CADPS2: variants seen among roughly 807,000 people sequenced by gnomAD.
The protein encoded by CADPS2 is calcium-dependent secretion activator 2.
CADPS2 carries 93 observed loss-of-function variants against 172.5 expected under a neutral mutation model. The ratio of observed to expected loss-of-function variants is 0.54; its 90% CI spans 0.46 to 0.64. CADPS2 has a LOEUF of 0.64. Among genes scored for constraint, CADPS2 ranks in the 30% least tolerant of loss-of-function variants. CADPS2 has a pLI of 0.00. For synonymous variants in CADPS2, 546 were observed against 555.2 expected (o/e 0.98, Z 0.23); for missense variants, 1,420 against 1,565.9 (o/e 0.91, Z 1.57).
At chr7:122,400,422 A>G (rs1435227059) in intron 20 of CADPS2, among the ~76,000 whole-genome samples, 1 of 152,136 alleles carries the variant, frequency 6.6e-6, no homozygotes, top group East Asian at 1.9e-4. Context: ...GGGCAATAAG[A>G]GCGAAACTCC....
chr7:122,564,955 A>G (rs541957249), intron 7 of CADPS2, among the ~76,000 whole-genome samples: 1 of 152,128 alleles, frequency 6.6e-6, no homozygotes, highest in African/African-American at 2.4e-5. Flanking sequence ...CCATTATCCT[A>G]AGTGAAATAA....
chr7:122,393,177 A>AT lies in CADPS2; in HGVS notation c.3008+18dup, dbSNP rs2044609018. The AT allele has an allele frequency of 6.2e-7, 1 of 1,612,026 alleles. No individual in the cohort carries two copies. Among genetic ancestry groups the AT allele is most frequent in the Non-Finnish European group, 8.5e-7 (1 of 1,179,210 alleles). On this transcript the variant is annotated intron_variant, in intron 22 of 29. Transcript: ENST00000449022. ...GCACCAGCTAACACACCACCAGGAA[A>AT]TAAGTGAGGAATACACACGTGGACT... is the stretch of plus-strand genomic sequence containing the variant.
At chr7:122,546,613 C>G (rs1444674329) in intron 8 of CADPS2, among the ~76,000 whole-genome samples, 1 of 152,164 alleles carries the variant, frequency 6.6e-6, no homozygotes, top group East Asian at 1.9e-4. Flanking sequence ...CTGCCATATG[C>G]TGTACTTTTG....
intron 14 of CADPS2, among the ~76,000 whole-genome samples, chr7:122,451,849 T>TA (rs2053164173): frequency 6.6e-6 from 1 of 152,194 alleles, no homozygotes; most frequent in Non-Finnish European, 1.5e-5. Flanking sequence ...GAACGTAAGG[T>TA]AAAATGTCTT....
At chr7:122,406,552 C>T (rs2046662475) in intron 20 of CADPS2, among the ~76,000 whole-genome samples, 1 of 152,090 alleles carries the variant, frequency 6.6e-6, no homozygotes. Context: ...TTCTTCTGAG[C>T]ACCACACTCC....
intron 27 of CADPS2, among the ~76,000 whole-genome samples, chr7:122,348,466 A>G (rs2038026028): frequency 6.6e-6 from 1 of 152,192 alleles, no homozygotes; most frequent in South Asian, 2.1e-4. Flanking sequence ...CTAAGGAAAT[A>G]AAAATCTCTG....
At chr7:122,806,348 T>C (rs1372450492) in intron 1 of CADPS2, among the ~76,000 whole-genome samples, 1 of 152,206 alleles carries the variant, frequency 6.6e-6, no homozygotes, top group African/African-American at 2.4e-5. Flanking sequence ...GTCATTTTTT[T>C]CTACTACTGT....
intron 6 of CADPS2, among the ~76,000 whole-genome samples, chr7:122,597,413 C>A (rs192853163): frequency 6.6e-6 from 1 of 152,170 alleles, no homozygotes; most frequent in Admixed American, 6.6e-5. Flanking sequence ...ATGTGTCCCC[C>A]TACAGTGTAC....
At chr7:122,759,416 A>G (rs1323563763) in intron 1 of CADPS2, among the ~76,000 whole-genome samples, 1 of 152,194 alleles carries the variant, frequency 6.6e-6, no homozygotes, top group Non-Finnish European at 1.5e-5. Context: ...CTGTTTGAAT[A>G]AAGTTATGTT....
intron 7 of CADPS2, among the ~76,000 whole-genome samples, chr7:122,567,796 G>C (rs956471307): frequency 1.3e-4 from 20 of 151,894 alleles, no homozygotes; most frequent in African/African-American, 4.6e-4. Context: ...AAAATAACAA[G>C]ACATTTATCA....
chr7:122,668,414 AAAAAC>A (rs1194435670), intron 2 of CADPS2, among the ~76,000 whole-genome samples: 7 of 148,708 alleles, frequency 4.7e-5, no homozygotes, highest in Admixed American at 4.6e-4. Flanking sequence ...AAAAAAAAAA[AAAAAC>A]AAAAACAAAC....
intron 1 of CADPS2, among the ~76,000 whole-genome samples, chr7:122,782,611 A>G (rs1464078493): frequency 6.6e-6 from 1 of 152,178 alleles, no homozygotes; most frequent in Admixed American, 6.5e-5. Flanking sequence ...ACCCTGTCTC[A>G]GCAACAACAA....
chr7:122,407,967 T>C (rs1457045001), intron 19 of CADPS2, among the ~76,000 whole-genome samples: 1 of 152,184 alleles, frequency 6.6e-6, no homozygotes, highest in African/African-American at 2.4e-5. Flanking sequence ...GTTTACAACA[T>C]TTAGAACATA....
chr7:122,548,185 T>C (rs935819989), intron 8 of CADPS2, among the ~76,000 whole-genome samples: 2 of 151,768 alleles, frequency 1.3e-5, no homozygotes, highest in East Asian at 1.9e-4. Context: ...CTGGGCAATA[T>C]AGGGAGACCC....
At chr7:122,659,804 C>T (rs1296435769) in intron 3 of CADPS2, among the ~76,000 whole-genome samples, 1 of 152,044 alleles carries the variant, frequency 6.6e-6, no homozygotes, top group African/African-American at 2.4e-5. Context: ...ATAAGAACTA[C>T]ATTAAACTCA....
chr7:122,873,577 G>A (rs1185262657), intron 1 of CADPS2, among the ~76,000 whole-genome samples: 1 of 152,136 alleles, frequency 6.6e-6, no homozygotes, highest in Non-Finnish European at 1.5e-5. Context: ...TGATTGATGG[G>A]CATTTTTGGT....
chr7:122,570,552 T>C (rs1432371050), intron 7 of CADPS2, among the ~76,000 whole-genome samples: 1 of 148,410 alleles, frequency 6.7e-6, no homozygotes, highest in Non-Finnish European at 1.5e-5. Context: ...CAAAGGACTA[T>C]AAATCATGCT....
At chr7:122,658,886 A>C (rs2135249263) in intron 3 of CADPS2, among the ~76,000 whole-genome samples, 1 of 152,224 alleles carries the variant, frequency 6.6e-6, no homozygotes, top group Non-Finnish European at 1.5e-5. Flanking sequence ...AGTATAATAA[A>C]AAAATTAAAA....
At chr7:122,324,997 A>G (rs2033516197) in intron 29 of CADPS2, among the ~76,000 whole-genome samples, 1 of 152,122 alleles carries the variant, frequency 6.6e-6, no homozygotes, top group African/African-American at 2.4e-5. Context: ...TACCTTTTAC[A>G]TATAAGAGGC....
Sources: allele counts gnomAD v4.1 joint callset (sites outside exome capture counted in the v4.1 genomes callset), GRCh38; gene constraint gnomAD v4.1.1; transcripts MANE v1.5; gene names NCBI Gene and HGNC (gene_info 2026-07-23, HGNC 2026-07-21).